The following GRM7 variants were observed in gnomAD, a reference collection of about 807,000 sequenced individuals.
GRM7 encodes metabotropic glutamate receptor 7.
A neutral mutation model predicts 84.5 loss-of-function variants in GRM7; 35 were observed. The observed-to-expected ratio is 0.41, with a 90% confidence interval of 0.32 to 0.55. The LOEUF (loss-of-function observed/expected upper bound fraction) is 0.55, where lower values mean the gene tolerates loss of function less well. Among genes scored for constraint, GRM7 ranks in the 20% least tolerant of loss-of-function variants. GRM7 has a pLI of 0.19. For missense variants in GRM7, 1,003 were observed against 1,194.6 expected (o/e 0.84, Z 2.36); for synonymous variants, 487 against 455.1 (o/e 1.07, Z -0.89).
At position 7,579,140 on chromosome 3, in the gene GRM7, G is replaced by C; in HGVS notation, c.2234G>C (p.Gly745Ala). 4 of 1,613,836 alleles carry C rather than the reference G, an allele frequency of 2.5e-6. No homozygotes were observed. Among genetic ancestry groups the C allele is most frequent in the Non-Finnish European group, 3.4e-6 (4 of 1,179,834 alleles). ...ACAATGAACCCTGAGCAAGCCAGAG[G>C]GGTTCTCAAGTGTGACATTACAGAT... ...HKTMNPEQAR[G>A]VLKCDITDLQ... Residue 745 changes from glycine to alanine, a missense_variant, in exon 8 of 10, where the codon GGG becomes GCG. Gly to Ala is a moderately conservative substitution (Grantham distance 60). This residue lies in a region of GRM7 where 910 missense variants were observed against 1,126.0 expected (regional missense o/e 0.81). Transcript: ENST00000357716.
intron 1 of GRM7, among the ~76,000 whole-genome samples, chr3:6,977,652 A>G (rs950799255): frequency 6.6e-6 from 1 of 152,136 alleles, no homozygotes; most frequent in Non-Finnish European, 1.5e-5. Flanking sequence ...TGTATCCCTT[A>G]TAATGTGGAT....
chr3:7,073,133 G>A (rs544265491), intron 1 of GRM7, among the ~76,000 whole-genome samples: 6 of 152,014 alleles, frequency 3.9e-5, no homozygotes, highest in Non-Finnish European at 8.8e-5. Context: ...GCAACAAATG[G>A]TCAAGTAGTA....
chr3:7,149,794 G>T (rs895287633), intron 2 of GRM7, among the ~76,000 whole-genome samples: 3 of 152,148 alleles, frequency 2.0e-5, no homozygotes, highest in African/African-American at 7.2e-5. Context: ...GTATAAGATG[G>T]TGCATGGGGA....
In GRM7 at chr3:7,482,562, C is replaced by T. The variant is rs561392285; in HGVS notation, c.1515+20840C>T. Among the ~76,000 whole-genome samples the T allele has an allele frequency of 3.4e-4, 51 of 152,176 alleles. No homozygotes were observed. In the South Asian group the frequency reaches 7.3e-3, roughly 22 times the overall value. ...TAGAGAGCGAGTTATAAAGTGCCCCCGGATTTGTGGAAAAGCAAGTGGTAT... is the reference window on the plus strand; with the variant it reads ...TAGAGAGCGAGTTATAAAGTGCCCCTGGATTTGTGGAAAAGCAAGTGGTAT... On this transcript the variant is annotated intron_variant, in intron 7 of 9. Coordinates refer to ENST00000357716, the MANE Select transcript of GRM7 (RefSeq NM_000844.4).
chr3:7,366,015 A>G, intron 4 of GRM7, among the ~76,000 whole-genome samples: 1 of 151,604 alleles, frequency 6.6e-6, no homozygotes, highest in Non-Finnish European at 1.5e-5. Context: ...AGACTATAAA[A>G]CCATGTATGG....
At chr3:7,510,600 G>A (rs1414613591) in intron 7 of GRM7, among the ~76,000 whole-genome samples, 1 of 152,136 alleles carries the variant, frequency 6.6e-6, no homozygotes, top group Admixed American at 6.6e-5. Context: ...GCTTGGGTAA[G>A]ATTAGGTAAA....
intron 1 of GRM7, among the ~76,000 whole-genome samples, chr3:6,939,414 A>AG (rs1311145665): frequency 6.6e-6 from 1 of 151,684 alleles, no homozygotes; most frequent in Non-Finnish European, 1.5e-5. Context: ...AGATAATCAA[A>AG]GATTTTAAGT....
At chr3:6,976,260 G>C (rs1378259872) in intron 1 of GRM7, among the ~76,000 whole-genome samples, 1 of 152,122 alleles carries the variant, frequency 6.6e-6, no homozygotes, top group African/African-American at 2.4e-5. Context: ...ATTTGAAAAA[G>C]GCCCAACATT....
chr3:7,018,219 A>G (rs1695647377), intron 1 of GRM7, among the ~76,000 whole-genome samples: 1 of 152,160 alleles, frequency 6.6e-6, no homozygotes, highest in Admixed American at 6.5e-5. Context: ...TTTTTTTCAT[A>G]TGAAGTCTTT....
intron 3 of GRM7, among the ~76,000 whole-genome samples, chr3:7,304,125 G>A (rs143904460): frequency 1.4e-4 from 22 of 152,034 alleles, no homozygotes; most frequent in African/African-American, 5.3e-4. Context: ...TGACTAATGA[G>A]TTGCAGAACT....
chr3:7,009,512 A>G lies in GRM7; in HGVS notation c.520-136940A>G, dbSNP rs368225529. 2.7e-4 allele frequency among the ~76,000 whole-genome samples: 41 copies of G among 152,338 alleles called. No individual in the cohort carries two copies. In the East Asian group the frequency reaches 6.4e-3, roughly 24 times the overall value. On this transcript the variant is annotated intron_variant, in intron 1 of 9. Transcript: ENST00000357716. ...TATCTAAAAAATGATAAGTAGATATAAAGTATGATATAAAGTAGACCAGTG... is the reference window on the plus strand; with the variant it reads ...TATCTAAAAAATGATAAGTAGATATGAAGTATGATATAAAGTAGACCAGTG...
chr3:7,115,356 C>G (rs754804355), intron 1 of GRM7, among the ~76,000 whole-genome samples: 2 of 152,102 alleles, frequency 1.3e-5, no homozygotes, highest in Non-Finnish European at 2.9e-5. Flanking sequence ...CAGGAAGATG[C>G]AAAATAACAT....
intron 8 of GRM7, among the ~76,000 whole-genome samples, chr3:7,613,356 A>C (rs1329408389): frequency 2.6e-5 from 4 of 152,230 alleles, no homozygotes; most frequent in Non-Finnish European, 4.4e-5. Context: ...TATGTCATGC[A>C]TATTTCAACA....
chr3:7,239,120 C>G (rs957561303), intron 2 of GRM7, among the ~76,000 whole-genome samples: 1 of 151,748 alleles, frequency 6.6e-6, no homozygotes, highest in South Asian at 2.1e-4. Flanking sequence ...CCACCTCAGC[C>G]TCCTGGATAA....
chr3:7,394,976 T>C (rs941383754), intron 4 of GRM7, among the ~76,000 whole-genome samples: 4 of 150,906 alleles, frequency 2.7e-5, no homozygotes, highest in Non-Finnish European at 4.4e-5. Flanking sequence ...AGGTGGAGGT[T>C]GCAGTGAGCT....
At chr3:7,190,969 A>T (rs993214710) in intron 2 of GRM7, among the ~76,000 whole-genome samples, 2 of 152,180 alleles carry the variant, frequency 1.3e-5, no homozygotes, top group Admixed American at 6.5e-5. Context: ...AAATATATAT[A>T]TATGATTCTT....
rs1187701337 is a variant in GRM7, at chr3:7,236,579, C to G, written c.737-62105C>G. 2.0e-5 allele frequency among the ~76,000 whole-genome samples: 3 copies of G among 152,302 alleles called. No homozygotes were observed. The East Asian group carries it at 5.8e-4, about 29-fold the overall frequency. On this transcript the variant is annotated intron_variant, in intron 2 of 9. Transcript: ENST00000357716. ...AGTAGACAATAGGCCAGTTTCCAAT[C>G]TAGCTCTCAAGTGATCTTGCCCTCT...
chr3:6,902,895 G>T (rs1432466203), intron 1 of GRM7, among the ~76,000 whole-genome samples: 1 of 139,722 alleles, frequency 7.2e-6, no homozygotes, highest in Non-Finnish European at 1.6e-5. Flanking sequence ...CTACTCTAGA[G>T]AATGGAATTT....
intron 2 of GRM7, among the ~76,000 whole-genome samples, chr3:7,220,771 C>A (rs1201253863): frequency 6.6e-6 from 1 of 152,112 alleles, no homozygotes; most frequent in Non-Finnish European, 1.5e-5. Context: ...TTTCTGTAAT[C>A]TGAAACCTTC....
Sources: gnomAD v4.1 joint callset for allele counts (sites outside exome capture counted in the v4.1 genomes callset) on GRCh38, gnomAD v4.1.1 for gene constraint, gnomAD v4.1.1 regional missense constraint, MANE v1.5 for transcripts, NCBI Gene and HGNC (gene_info 2026-07-23, HGNC 2026-07-21) for gene names.